The following LMNB2 variants were observed in gnomAD, a reference collection of about 807,000 sequenced individuals.
The protein encoded by LMNB2 is lamin-B2.
In LMNB2, 17 loss-of-function variants were observed where a neutral mutation model predicts 69.3. The observed-to-expected ratio is 0.25, with a 90% CI of 0.17 to 0.37. The LOEUF is 0.37. Ranked by LOEUF, LMNB2 falls within the 10% of genes least tolerant of loss-of-function variation. The probability of loss-of-function intolerance (pLI) is 1.00; values close to 1 mark genes in which losing one functional copy is unlikely to be tolerated. For synonymous variants in LMNB2, 397 were observed against 389.3 expected (o/e 1.02, Z -0.23); for missense variants, 789 against 883.6 (o/e 0.89, Z 1.36).
chr19:2,434,983 CCCG>C lies in LMNB2; in HGVS notation c.855+15_855+17del. ...GGTTCCCACCGGCCGCCCCCGCCCA[CCCG>C]CCTGCCGGCCACACCTTGGCCTGGT... On this transcript the variant is annotated intron_variant, in intron 5 of 11. Coordinates refer to ENST00000325327, the MANE Select transcript of LMNB2 (RefSeq NM_032737.4). 6.2e-7 allele frequency: 1 copy of C among 1,601,220 alleles called. No individual in the cohort carries two copies. The highest frequency in any genetic ancestry group is 8.5e-7 in the Non-Finnish European group (1 of 1,177,902).
chr19:2,456,323 T>A (rs1334479120), intron 1 of LMNB2, among the ~76,000 whole-genome samples: 8 of 130,998 alleles, frequency 6.1e-5, no homozygotes, highest in Admixed American at 6.1e-4. Flanking sequence ...CCTGTCCCCG[T>A]CTGCACCCCC....
chr19:2,432,180 G>A (rs559912910), intron 9 of LMNB2, among the ~76,000 whole-genome samples: 34 of 152,204 alleles, frequency 2.2e-4, no homozygotes, highest in African/African-American at 6.5e-4. Flanking sequence ...TCACGGGGAC[G>A]CCTGCCAGCC....
In LMNB2 at chr19:2,449,365, C is replaced by T. The variant is rs1220530856; in HGVS notation, c.265-4825G>A. On this transcript the variant is annotated intron_variant, in intron 1 of 11. Transcript: ENST00000325327. ...GTGGGAGTGCACTCTACCATGCCCA[C>T]ACAAGGGGCACGTCTCCTAACGACA... Among the ~76,000 whole-genome samples, 3 of 152,220 alleles carry T rather than the reference C, an allele frequency of 2.0e-5. No homozygotes were observed. In the East Asian group the frequency reaches 5.8e-4, roughly 29 times the overall value.
rs367620291 is a variant in LMNB2 at position 2,432,153 on chromosome 19, G to A, written c.1591-251C>T. Among the ~76,000 whole-genome samples, 351 of 152,218 alleles carry A rather than the reference G, an allele frequency of 2.3e-3. 1 individual carries two copies. The highest frequency in any genetic ancestry group is 4.3e-3 in the Non-Finnish European group (290 of 67,984). ...ACCCACCAGGCTCCATGGCCCATGC[G>A]CCTGACTGTTAACACTTCACGGGGA... On this transcript the variant is annotated intron_variant, in intron 9 of 11. Coordinates refer to ENST00000325327, the MANE Select transcript of LMNB2 (RefSeq NM_032737.4).
chr19:2,450,516 C>T (rs770315217), intron 1 of LMNB2, among the ~76,000 whole-genome samples: 10 of 151,392 alleles, frequency 6.6e-5, no homozygotes, highest in East Asian at 3.9e-4. Context: ...CATGAGCCAC[C>T]GCACCTGGCA....
chr19:2,446,906 C>T (rs113487815), intron 1 of LMNB2, among the ~76,000 whole-genome samples: 12 of 152,064 alleles, frequency 7.9e-5, no homozygotes, highest in Admixed American at 3.3e-4. Context: ...TTTGGGAAGC[C>T]GAGGCGGGCG....
intron 2 of LMNB2, among the ~76,000 whole-genome samples, chr19:2,440,023 C>T (rs1375605686): frequency 2.0e-5 from 3 of 151,954 alleles, no homozygotes; most frequent in East Asian, 1.9e-4. Context: ...TGAACCACTG[C>T]GCCTGGTCCC....
chr19:2,432,026 G>A (rs1050047664), intron 9 of LMNB2, 124 bp from the exon 10 acceptor site: 23 of 1,271,750 alleles, frequency 1.8e-5, no homozygotes, highest in East Asian at 7.6e-5. Context: ...CCAGCCCGAC[G>A]CAGGCTTATC....
intron 1 of LMNB2, among the ~76,000 whole-genome samples, chr19:2,446,676 C>T (rs1180131387): frequency 2.6e-5 from 4 of 152,188 alleles, no homozygotes; most frequent in Non-Finnish European, 5.9e-5. Flanking sequence ...CGGGCGAGTA[C>T]GCAGAGAAAT....
At chr19:2,440,626 C>T (rs575830408) in intron 2 of LMNB2, among the ~76,000 whole-genome samples, 7 of 141,686 alleles carry the variant, frequency 4.9e-5, no homozygotes, top group East Asian at 3.9e-4. Flanking sequence ...ATCATCCATC[C>T]ATCCATCTAC....
chr19:2,440,522 C>G (rs553616217), intron 2 of LMNB2, among the ~76,000 whole-genome samples: 8 of 152,182 alleles, frequency 5.3e-5, no homozygotes, highest in South Asian at 2.1e-4. Flanking sequence ...ATTGCTCTAT[C>G]TATTACTGTC....
At chr19:2,456,223 C>A (rs1227145518) in intron 1 of LMNB2, among the ~76,000 whole-genome samples, 22 of 147,960 alleles carry the variant, frequency 1.5e-4, no homozygotes, top group Non-Finnish European at 1.5e-5. Flanking sequence ...GGGTTCCCCG[C>A]GACTGGGAGC....
intron 9 of LMNB2, 73 bp downstream of exon 9, chr19:2,432,343 T>G: frequency 2.2e-5 from 10 of 457,446 alleles, no homozygotes; most frequent in Non-Finnish European, 3.5e-5. Context: ...CGCCAAGTCC[T>G]GTGCCTCCAG....
chr19:2,444,459 G>A lies in LMNB2; in HGVS notation c.346C>T (p.Arg116Trp), dbSNP rs745814548. 3 of 1,613,686 alleles carry A rather than the reference G, an allele frequency of 1.9e-6. No individual in the cohort carries two copies. The highest frequency in any genetic ancestry group is 1.3e-5 in the African/African-American group (1 of 75,042). ...VLDETARERA[R>W]LQIEIGKLRA... ...AGCTTCCCAATCTCTATCTGCAGCCGGGCACGCTCTCGAGCCGTCTCATCC... is the reference window on the plus strand; with the variant it reads ...AGCTTCCCAATCTCTATCTGCAGCCAGGCACGCTCTCGAGCCGTCTCATCC... Residue 116 changes from arginine to tryptophan, a missense_variant, in exon 2 of 12, where the codon CGG (arginine) becomes TGG (tryptophan). Coordinates refer to ENST00000325327, the MANE Select transcript of LMNB2 (RefSeq NM_032737.4).
intron 1 of LMNB2, among the ~76,000 whole-genome samples, chr19:2,448,090 G>A (rs1015148596): frequency 6.2e-4 from 95 of 152,320 alleles, no homozygotes; most frequent in African/African-American, 2.0e-3. Context: ...CTCCTCCCGC[G>A]GCACCCCGGC....
chr19:2,432,628 A>G (rs1360619574), intron 8 of LMNB2, 105 bp from the exon 9 acceptor site: 6 of 899,040 alleles, frequency 6.7e-6, no homozygotes, highest in Non-Finnish European at 9.2e-6. Context: ...CACCCCCACC[A>G]GCTAGGTCAC....
intron 11 of LMNB2, among the ~76,000 whole-genome samples, 193 bp downstream of exon 11, chr19:2,431,355 A>G (rs1477747917): frequency 6.6e-6 from 1 of 152,080 alleles, no homozygotes; most frequent in Non-Finnish European, 1.5e-5. Context: ...AATTCACACG[A>G]TGGGCACGAC....
At position 2,430,938 on chromosome 19, in the gene LMNB2, G is replaced by A. The variant is rs745776908; in HGVS notation, c.1836C>T (p.Thr612=). 1.9e-6 allele frequency: 3 copies of A among 1,609,468 alleles called. No individual in the cohort carries two copies. Among genetic ancestry groups the A allele is most frequent in the Non-Finnish European group, 2.6e-6 (3 of 1,176,010 alleles). The stretch of plus-strand genomic sequence containing the variant: ...ACATCACGTAGCAGCCTCTTGAGGT[G>A]GTCCTCGGGTCCCCCTGCAGGAAGG... The part of the protein sequence containing the change: ...DLFHQQGDPR[T]TSRGCYVM Residue 612 remains threonine (T), a synonymous_variant, in exon 12 of 12, where the codon ACC becomes ACT. Transcript: ENST00000325327.
Position 2,428,850 on chromosome 19 carries a change from C to G in LMNB2, c.*2061G>C, listed in dbSNP as rs747687462. On this transcript the variant is annotated 3_prime_UTR_variant, in exon 12 of 12. Coordinates refer to ENST00000325327, the MANE Select transcript of LMNB2 (RefSeq NM_032737.4). ...GAACCTCCAATTACCCACAGGCTGC[C>G]CAGTCCACGCTTCTCCCCACCCCCT... 6.6e-6 allele frequency: 1 copy of G among 152,266 alleles called. No homozygotes were observed. Among genetic ancestry groups the G allele is most frequent in the African/African-American group, 2.4e-5 (1 of 41,460 alleles). 9.4% of individuals were successfully genotyped at this position (152,266 alleles called of 1,614,324 possible).
Sources: gnomAD v4.1 joint callset for allele counts (sites outside exome capture counted in the v4.1 genomes callset) on GRCh38, gnomAD v4.1.1 for gene constraint, MANE v1.5 for transcripts, NCBI Gene and HGNC (gene_info 2026-07-23, HGNC 2026-07-21) for gene names.